The following EFTUD2 variants were observed in gnomAD, a reference collection of about 807,000 sequenced individuals.
The protein encoded by EFTUD2 is elongation factor Tu GTP binding domain containing 2, also known as 116 kDa U5 small nuclear ribonucleoprotein component.
EFTUD2 carries 9 observed loss-of-function variants against 114.3 expected under a neutral mutation model. That is an observed-to-expected ratio of 0.08 (90% CI 0.05 to 0.14). The LOEUF is 0.14. Ranked by LOEUF, EFTUD2 falls within the 10% of genes least tolerant of loss-of-function variation. EFTUD2 has a pLI of 1.00. For synonymous variants in EFTUD2, 449 were observed against 462.3 expected (o/e 0.97, Z 0.37); for missense variants, 765 against 1,241.2 (o/e 0.62, Z 5.76).
chr17:44,891,183 A>G (rs1218122145), intron 2 of EFTUD2, among the ~76,000 whole-genome samples: 1 of 152,210 alleles, frequency 6.6e-6, no homozygotes, highest in Admixed American at 6.5e-5. Context: ...ATACACACAC[A>G]CTATGCAACT....
chr17:44,879,542 T>A lies in EFTUD2; in HGVS notation c.702+14A>T. ...AACAGGTGGATGAGATTCTGGGAGCTGAGTCTGACTCACCCCCTCAGCAGC... is the reference window on the plus strand; with the variant it reads ...AACAGGTGGATGAGATTCTGGGAGCAGAGTCTGACTCACCCCCTCAGCAGC... On this transcript the variant is annotated intron_variant, in intron 9 of 27. Coordinates refer to ENST00000426333, the MANE Select transcript of EFTUD2 (RefSeq NM_004247.4). 2 of 1,613,858 alleles carry A rather than the reference T, an allele frequency of 1.2e-6. No individual in the cohort carries two copies. Among genetic ancestry groups the A allele is most frequent in the African/African-American group, 2.7e-5 (2 of 74,994 alleles).
rs2050570727 is a variant in EFTUD2 at position 44,857,056 on chromosome 17, C to T, written c.2045+19G>A. The T allele has an allele frequency of 6.2e-7, 1 of 1,608,378 alleles. No individual in the cohort carries two copies. On this transcript the variant is annotated intron_variant, in intron 20 of 27. Coordinates refer to ENST00000426333, the MANE Select transcript of EFTUD2 (RefSeq NM_004247.4). ...GTCCAGGAGGCTGCAGTCCCAGGGACACTGTGCTCCCAGCTTACTTCTTAT... is the reference window on the plus strand; with the variant it reads ...GTCCAGGAGGCTGCAGTCCCAGGGATACTGTGCTCCCAGCTTACTTCTTAT...
chr17:44,890,499 T>A (rs1054171082), intron 2 of EFTUD2, among the ~76,000 whole-genome samples: 1 of 151,164 alleles, frequency 6.6e-6, no homozygotes, highest in Non-Finnish European at 1.5e-5. Context: ...TCGAGACCAG[T>A]CTGACCAACA....
intron 13 of EFTUD2, among the ~76,000 whole-genome samples, chr17:44,867,425 G>C (rs1173802645): frequency 6.6e-6 from 1 of 150,398 alleles, no homozygotes; most frequent in Non-Finnish European, 1.5e-5. Context: ...TTAGCCTCCC[G>C]AGTAGCTGGG....
At position 44,859,148 on chromosome 17, in the gene EFTUD2, T is replaced by C. The variant is rs776105564; in HGVS notation, c.1894A>G (p.Thr632Ala). The C allele has an allele frequency of 6.2e-7, 1 of 1,614,024 alleles. No individual in the cohort carries two copies. Among genetic ancestry groups the C allele is most frequent in the Admixed American group, 1.7e-5 (1 of 60,008 alleles). Residue 632 changes from threonine (T) to alanine (A), a missense_variant, in exon 19 of 28, where the codon ACT becomes GCT. This residue lies in a region of EFTUD2 where 149 missense variants were observed against 245.1 expected (regional missense o/e 0.61). Transcript: ENST00000426333. ...ACACAGTCCAGGTAGAGCTCCCCAG[T>C]GCCCAGGATCACATGCTCGCCAGAC... Reference protein sequence around the residue: ...EESGEHVILGTGELYLDCVMH... With the variant: ...EESGEHVILGAGELYLDCVMH...
chr17:44,899,174 G>A (rs549631201), intron 1 of EFTUD2, 195 bp downstream of exon 1: 1 of 152,370 alleles, frequency 6.6e-6, no homozygotes, highest in East Asian at 1.9e-4. Context: ...GTGCGTGTGT[G>A]CGCGCTTCGG....
chr17:44,896,558 A>C (rs2051388504), intron 1 of EFTUD2, among the ~76,000 whole-genome samples: 2 of 152,226 alleles, frequency 1.3e-5, no homozygotes, highest in South Asian at 4.1e-4. Context: ...GAGGCAGGAG[A>C]ATCACTTGAA....
intron 4 of EFTUD2, 22 bp from the exon 5 acceptor site, chr17:44,883,746 G>A (rs1326225564): frequency 1.2e-6 from 2 of 1,612,490 alleles, no homozygotes; most frequent in South Asian, 2.2e-5. Flanking sequence ...AAGGAAAAGA[G>A]AAAAGAGAGA....
chr17:44,865,241 C>T, intron 13 of EFTUD2, 176 bp from the exon 14 acceptor site: 2 of 822,058 alleles, frequency 2.4e-6, no homozygotes, highest in South Asian at 2.1e-5. Context: ...CTGCTACCTA[C>T]CCTTCAAACC....
In EFTUD2 at chr17:44,854,384, C is replaced by A. The variant is rs2040336313; in HGVS notation, c.2260-28G>T. ...ATAGAGAAACATGAGGCCTCCTTAGCAGTCGCCCTGGCAACGGCTGAAGCA... is the reference window on the plus strand; with the variant it reads ...ATAGAGAAACATGAGGCCTCCTTAGAAGTCGCCCTGGCAACGGCTGAAGCA... On this transcript the variant is annotated intron_variant, in intron 22 of 27. Transcript: ENST00000426333. This position sits in a 1 kb window ranked among gnomAD's most constrained non-coding sequence, Gnocchi z 4.3. 4 of 1,607,948 alleles carry A rather than the reference C, an allele frequency of 2.5e-6. No homozygotes were observed. Among genetic ancestry groups the A allele is most frequent in the Non-Finnish European group, 3.4e-6 (4 of 1,176,822 alleles).
chr17:44,854,733 G>A lies in EFTUD2; in HGVS notation c.2133-51C>T. On this transcript the variant is annotated intron_variant, in intron 21 of 27. Transcript: ENST00000426333. The surrounding 1 kb of genome is among the most constrained non-coding windows in gnomAD (Gnocchi z 4.3). ...CTGTCAGCCAGCTCTGTGATTGCTG[G>A]TCCTGGAGCCACAGACCCTCCCTTC... 3.8e-6 allele frequency: 6 copies of A among 1,596,572 alleles called. No individual in the cohort carries two copies. The highest frequency in any genetic ancestry group is 5.1e-6 in the Non-Finnish European group (6 of 1,169,284).
Position 44,860,051 on chromosome 17 carries a change from A to G in EFTUD2, c.1720-6T>C, listed in dbSNP as rs1204938263. On this transcript the variant is annotated splice_region_variant and splice_polypyrimidine_tract_variant and intron_variant, in intron 17 of 27. Transcript: ENST00000426333. Reference sequence around the variant, plus strand: ...AAGGGTCGGAAAATCTGAGCCTGAGATCCAAAGCACAAAGGACTGAGGGCA... The same window carrying G: ...AAGGGTCGGAAAATCTGAGCCTGAGGTCCAAAGCACAAAGGACTGAGGGCA... The G allele has an allele frequency of 6.2e-7, 1 of 1,614,208 alleles. No homozygotes were observed.
chr17:44,875,824 C>T, intron 10 of EFTUD2, 110 bp downstream of exon 10: 1 of 1,416,180 alleles, frequency 7.1e-7, no homozygotes, highest in Non-Finnish European at 9.6e-7. Context: ...TTTTGCCCAA[C>T]AAACTCATCA....
In EFTUD2 at chr17:44,855,072, G is replaced by C. The variant is rs558789762; in HGVS notation, c.2046-68C>G. On this transcript the variant is annotated intron_variant, in intron 20 of 27. Transcript: ENST00000426333. ...AGCAGAAGAGGCATTACTAAGAAAA[G>C]GGTAACAAGACGGACAGCTGAGGAA... 2.1e-6 allele frequency: 3 copies of C among 1,396,436 alleles called. No homozygotes were observed. In the African/African-American group the frequency reaches 4.2e-5, roughly 20 times the overall value. The allele number at this position is 1,396,436 out of a possible 1,614,324, so 86.5% of individuals were successfully genotyped here.
intron 1 of EFTUD2, chr17:44,899,138 T>C (rs927712285): frequency 9.9e-5 from 15 of 152,204 alleles, no homozygotes; most frequent in South Asian, 2.1e-4. Context: ...ACTGAGGCTA[T>C]AGAGGCAGCC....
Position 44,853,282 on chromosome 17 carries a change from C to T in EFTUD2, c.2561+14G>A, listed in dbSNP as rs2050489193. On this transcript the variant is annotated intron_variant, in intron 25 of 27. Coordinates refer to ENST00000426333, the MANE Select transcript of EFTUD2 (RefSeq NM_004247.4). ...GCTCTCAGCACTCTCCCTAATACGC[C>T]TGGGGCCGCTCACCTGCGCCTGGCC... The T allele has an allele frequency of 3.1e-6, 5 of 1,613,262 alleles. No individual in the cohort carries two copies. The highest frequency in any genetic ancestry group is 4.2e-6 in the Non-Finnish European group (5 of 1,179,650).
At chr17:44,883,252 T>C in intron 5 of EFTUD2, 94 bp from the exon 6 acceptor site, 7 of 1,184,760 alleles carry the variant, frequency 5.9e-6, no homozygotes, top group Non-Finnish European at 8.6e-6. Context: ...AATTTAGGGA[T>C]AAGGAGAGAA....
At chr17:44,863,886 C>G in intron 14 of EFTUD2, 104 bp from the exon 15 acceptor site, 5 of 1,465,240 alleles carry the variant, frequency 3.4e-6, no homozygotes, top group Non-Finnish European at 4.6e-6. Flanking sequence ...AGTGCGGGGA[C>G]TGATTGTTAG....
intron 26 of EFTUD2, 57 bp from the exon 27 acceptor site, chr17:44,851,874 C>T (rs2050458862): frequency 7.0e-7 from 1 of 1,436,630 alleles, no homozygotes; most frequent in Non-Finnish European, 9.5e-7. Flanking sequence ...GATTCAGGCC[C>T]AGAAGCAGGA....
Sources: allele counts gnomAD v4.1 joint callset (sites outside exome capture counted in the v4.1 genomes callset), GRCh38; gene constraint gnomAD v4.1.1; regional missense constraint gnomAD v4.1.1; non-coding constraint Gnocchi (gnomAD v3.1); transcripts MANE v1.5; gene names NCBI Gene and HGNC (gene_info 2026-07-23, HGNC 2026-07-21).